IL1RAPL1: variants seen among roughly 807,000 people sequenced by gnomAD.
IL1RAPL1 encodes the protein interleukin 1 receptor accessory protein like 1, also known as interleukin-1 receptor accessory protein-like 1.
A neutral mutation model predicts 48.4 loss-of-function variants in IL1RAPL1; 3 were observed. The ratio of observed to expected loss-of-function variants is 0.06; its 90% CI spans 0.03 to 0.16. The LOEUF (loss-of-function observed/expected upper bound fraction) is 0.16, where lower values mean the gene tolerates loss of function less well. IL1RAPL1 is among the 10% of genes least tolerant of loss of function. The pLI is 1.00. For synonymous variants in IL1RAPL1, 185 were observed against 187.7 expected (o/e 0.99, Z 0.12); for missense variants, 349 against 530.6 (o/e 0.66, Z 3.36).
At chrX:29,826,497 G>A (rs1223313470) in intron 6 of IL1RAPL1, among the ~76,000 whole-genome samples, 7 of 111,316 alleles carry the variant, frequency 6.3e-5, no homozygotes, top group Admixed American at 3.8e-4. Context: ...CATTTGTATC[G>A]CCACACAAGG....
intron 1 of IL1RAPL1, among the ~76,000 whole-genome samples, chrX:28,741,782 T>C (rs1324806563): frequency 1.8e-5 from 2 of 111,984 alleles, no homozygotes; most frequent in Admixed American, 1.9e-4. Context: ...CTGCATCTAT[T>C]AGTTTTCTTA....
At chrX:28,893,738 G>T (rs1478714855) in intron 2 of IL1RAPL1, among the ~76,000 whole-genome samples, 1 of 111,676 alleles carries the variant, frequency 9.0e-6, no homozygotes, top group Non-Finnish European at 1.9e-5. Context: ...GAAATGAGAG[G>T]TTCTAAGAGA....
intron 8 of IL1RAPL1, among the ~76,000 whole-genome samples, chrX:29,926,291 A>G (rs1204494846): frequency 8.9e-6 from 1 of 112,370 alleles, no homozygotes; most frequent in Non-Finnish European, 1.9e-5. Context: ...GCTGATGATT[A>G]ACTTTTTTCT....
intron 2 of IL1RAPL1, among the ~76,000 whole-genome samples, chrX:28,973,183 A>G (rs1291449064): frequency 1.8e-5 from 2 of 111,864 alleles, no homozygotes; most frequent in African/African-American, 3.2e-5. Context: ...TTGTGTATCC[A>G]TAAGTCACCA....
At chrX:29,139,383 ATAT>A (rs1450605516) in intron 2 of IL1RAPL1, among the ~76,000 whole-genome samples, 3 of 111,170 alleles carry the variant, frequency 2.7e-5, no homozygotes, top group Non-Finnish European at 5.7e-5. Context: ...TTAAAGTATA[ATAT>A]TATAATTATT....
At chrX:29,659,201 T>C (rs774205821) in intron 5 of IL1RAPL1, among the ~76,000 whole-genome samples, 5 of 111,911 alleles carry the variant, frequency 4.5e-5, no homozygotes, top group African/African-American at 1.6e-4. Flanking sequence ...AACAAACACA[T>C]ACACCAATGG....
At chrX:28,936,100 T>G (rs1924008587) in intron 2 of IL1RAPL1, among the ~76,000 whole-genome samples, 1 of 111,590 alleles carries the variant, frequency 9.0e-6, no homozygotes, top group African/African-American at 3.3e-5. Context: ...CACAGCCTCT[T>G]CAACTGTAAA....
intron 1 of IL1RAPL1, among the ~76,000 whole-genome samples, chrX:28,776,875 A>C (rs1936368060): frequency 8.9e-6 from 1 of 111,920 alleles, no homozygotes; most frequent in Non-Finnish European, 1.9e-5. Context: ...GGCATTGAAA[A>C]CTGAATGTGA....
At chrX:29,118,272 A>T (rs1273499226) in intron 2 of IL1RAPL1, among the ~76,000 whole-genome samples, 1 of 112,435 alleles carries the variant, frequency 8.9e-6, no homozygotes, top group Non-Finnish European at 1.9e-5. Flanking sequence ...CGAAGCTCTG[A>T]TAAAAATGTT....
intron 5 of IL1RAPL1, among the ~76,000 whole-genome samples, chrX:29,636,572 T>C (rs1924971299): frequency 8.9e-6 from 1 of 111,997 alleles, no homozygotes; most frequent in African/African-American, 3.2e-5. Context: ...AAGAGAGCAC[T>C]ATTAAAATGT....
chrX:29,324,084 G>A (rs1177124052), intron 3 of IL1RAPL1, among the ~76,000 whole-genome samples: 1 of 108,743 alleles, frequency 9.2e-6, no homozygotes, highest in African/African-American at 3.4e-5. Context: ...GGATTTTGAA[G>A]CACGGCATAC....
chrX:28,786,678 G>T (rs1446447752), intron 1 of IL1RAPL1, among the ~76,000 whole-genome samples: 1 of 111,888 alleles, frequency 8.9e-6, no homozygotes, highest in African/African-American at 3.2e-5. Flanking sequence ...ATTGTGATAT[G>T]CTCATTCTGC....
intron 3 of IL1RAPL1, among the ~76,000 whole-genome samples, chrX:29,371,022 A>G (rs190537657): frequency 1.8e-5 from 2 of 109,419 alleles, no homozygotes; most frequent in African/African-American, 6.6e-5. Flanking sequence ...AACATTCAAA[A>G]TCTGCTCTTC....
At chrX:29,808,576 G>A (rs1465609114) in intron 6 of IL1RAPL1, among the ~76,000 whole-genome samples, 2 of 110,996 alleles carry the variant, frequency 1.8e-5, no homozygotes, top group East Asian at 2.8e-4. Flanking sequence ...TCTTATGTAT[G>A]GTACTTATTA....
chrX:29,044,157 C>G (rs969175265), intron 2 of IL1RAPL1, among the ~76,000 whole-genome samples: 3 of 111,233 alleles, frequency 2.7e-5, no homozygotes, highest in African/African-American at 9.8e-5. Flanking sequence ...ATGGGCTGGG[C>G]GTGGTGGCTT....
intron 2 of IL1RAPL1, among the ~76,000 whole-genome samples, chrX:29,252,980 A>T (rs963634672): frequency 3.6e-5 from 4 of 111,057 alleles, no homozygotes; most frequent in Non-Finnish European, 7.6e-5. Context: ...TACAATCACC[A>T]GAAATAAACT....
intron 2 of IL1RAPL1, among the ~76,000 whole-genome samples, chrX:29,204,109 G>A (rs1328493129): frequency 9.0e-6 from 1 of 111,133 alleles, no homozygotes; most frequent in Non-Finnish European, 1.9e-5. Flanking sequence ...ACATCATTTA[G>A]TCAACTGCCC....
intron 2 of IL1RAPL1, chrX:28,942,425 T>C (rs1390217465): frequency 9.1e-6 from 1 of 109,395 alleles, no homozygotes; most frequent in African/African-American, 3.3e-5. Flanking sequence ...TCCTAAACTA[T>C]AATCATTTTT....
At chrX:28,898,299 T>C (rs920974375) in intron 2 of IL1RAPL1, among the ~76,000 whole-genome samples, 5 of 112,277 alleles carry the variant, frequency 4.5e-5, no homozygotes, top group Non-Finnish European at 9.4e-5. Flanking sequence ...CTATTTTTTG[T>C]CTTTTTTGTT....
Sources: allele counts gnomAD v4.1 joint callset (sites outside exome capture counted in the v4.1 genomes callset), GRCh38; gene constraint gnomAD v4.1.1; transcripts MANE v1.5; gene names NCBI Gene and HGNC (gene_info 2026-07-23, HGNC 2026-07-21).